The following KCNK2 variants were observed in gnomAD, a reference collection of about 807,000 sequenced individuals.
KCNK2 encodes the protein potassium channel subfamily K member 2.
A neutral mutation model predicts 40.5 loss-of-function variants in KCNK2; 21 were observed. That is an observed-to-expected ratio of 0.52 (90% CI 0.37 to 0.75). KCNK2 has a LOEUF of 0.75. Ranked by LOEUF, KCNK2 falls within the 30% of genes least tolerant of loss-of-function variation. KCNK2 has a pLI of 0.00. For missense variants in KCNK2, 399 were observed against 531.6 expected (o/e 0.75, Z 2.45); for synonymous variants, 191 against 202.2 (o/e 0.94, Z 0.47).
At chr1:215,183,754 T>C (rs896664126) in intron 5 of KCNK2, among the ~76,000 whole-genome samples, 2 of 152,210 alleles carry the variant, frequency 1.3e-5, no homozygotes, top group Admixed American at 1.3e-4. Flanking sequence ...TTATTAAAAT[T>C]CTCATTAGTG....
chr1:215,037,694 T>G (rs964826829), intron 1 of KCNK2, among the ~76,000 whole-genome samples: 1 of 151,974 alleles, frequency 6.6e-6, no homozygotes, highest in Non-Finnish European at 1.5e-5. Context: ...GTGAATTTAA[T>G]TATTTAACAA....
rs371176489 is a variant in KCNK2 at position 215,029,859 on chromosome 1, G to A, written c.34+23904G>A. ...GTTGCTTGCAAGTTTTGACAATAAC[G>A]AATAAAGCCTCTATAAACCTCTGTG... On this transcript the variant is annotated intron_variant, in intron 1 of 6. Coordinates refer to the KCNK2 transcript ENST00000391895. Among the ~76,000 whole-genome samples the A allele has an allele frequency of 1.0e-3, 153 of 152,066 alleles. 5 individuals are homozygous for A. In the South Asian group the frequency reaches 0.031, roughly 31 times the overall value.
intron 5 of KCNK2, among the ~76,000 whole-genome samples, chr1:215,179,584 A>T (rs1039835797): frequency 9.2e-5 from 14 of 151,978 alleles, no homozygotes; most frequent in African/African-American, 2.7e-4. Context: ...ATCTCAAATA[A>T]TTTTTTTAAT....
rs559567180 is a variant in KCNK2 at position 215,135,084 on chromosome 1, A to T, written c.475+10334A>T. Among the ~76,000 whole-genome samples the T allele has an allele frequency of 3.9e-5, 6 of 152,292 alleles. No individual in the cohort carries two copies. The South Asian group carries it at 1.0e-3, about 26-fold the overall frequency. The stretch of plus-strand genomic sequence containing the variant: ...AAAAGACTGCAGACATGACCTCCTA[A>T]TTAGCATTATACTACAACTAAAATC... On this transcript the variant is annotated intron_variant, in intron 3 of 6. Coordinates refer to ENST00000444842, the MANE Select transcript of KCNK2 (RefSeq NM_001017425.3).
At chr1:215,095,187 G>A (rs957467820) in intron 2 of KCNK2, among the ~76,000 whole-genome samples, 11 of 152,072 alleles carry the variant, frequency 7.2e-5, no homozygotes, top group African/African-American at 2.7e-4. Flanking sequence ...AGGCACATAT[G>A]TAGTAATTCG....
Position 215,161,985 on chromosome 1 carries a change from C to T in KCNK2, c.476-7214C>T, listed in dbSNP as rs1663219436. On this transcript the variant is annotated intron_variant, in intron 3 of 6. Coordinates refer to ENST00000444842, the MANE Select transcript of KCNK2 (RefSeq NM_001017425.3). ...TCAAATGGTATTTCTGGTTCTAGAT[C>T]CTTAAGGAATCACCACATTGTCTTC... Among the ~76,000 whole-genome samples, 3 of 152,246 alleles carry T rather than the reference C, an allele frequency of 2.0e-5. No individual in the cohort carries two copies. In the South Asian group the frequency reaches 6.2e-4, roughly 32 times the overall value.
intron 5 of KCNK2, among the ~76,000 whole-genome samples, chr1:215,183,430 G>A (rs1386001588): frequency 6.6e-6 from 1 of 152,070 alleles, no homozygotes; most frequent in Non-Finnish European, 1.5e-5. Flanking sequence ...GACCTAAAGT[G>A]TCTACGTTTT....
chr1:215,058,672 T>A (rs918753650), intron 1 of KCNK2, among the ~76,000 whole-genome samples: 1 of 152,168 alleles, frequency 6.6e-6, no homozygotes, highest in African/African-American at 2.4e-5. Flanking sequence ...CCTTTCTCCT[T>A]GTTTACAAAG....
At position 215,236,040 on chromosome 1, in the gene KCNK2, AAG is replaced by A. The variant is rs1666867883; in HGVS notation, c.*897_*898del. On this transcript the variant is annotated 3_prime_UTR_variant, in exon 7 of 7. Coordinates refer to ENST00000444842, the MANE Select transcript of KCNK2 (RefSeq NM_001017425.3). Reference sequence around the variant, plus strand: ...AACTATACATTTTTAAAGGCAGAAGAAGAAAATCTATCTATCTATCTATCTAT... The same window carrying A: ...AACTATACATTTTTAAAGGCAGAAGAAAAATCTATCTATCTATCTATCTAT... The A allele has an allele frequency of 2.9e-5, 2 of 68,242 alleles. No individual in the cohort carries two copies. The highest frequency in any genetic ancestry group is 9.1e-5 in the African/African-American group (2 of 21,934). 4.2% of individuals were successfully genotyped at this position (68,242 alleles called of 1,614,324 possible).
At chr1:215,133,257 G>A (rs932679683) in intron 3 of KCNK2, among the ~76,000 whole-genome samples, 12 of 152,130 alleles carry the variant, frequency 7.9e-5, no homozygotes, top group African/African-American at 1.9e-4. Context: ...TATTTTAATC[G>A]TCTGAAAAGC....
chr1:215,086,864 C>T (rs953412601), intron 2 of KCNK2, among the ~76,000 whole-genome samples, 186 bp downstream of exon 2: 1 of 152,164 alleles, frequency 6.6e-6, no homozygotes, highest in Non-Finnish European at 1.5e-5. Context: ...TGCCTATATT[C>T]TCACTTCTGC....
chr1:215,213,480 G>A lies in KCNK2; in HGVS notation c.963+18388G>A, dbSNP rs367892747. On this transcript the variant is annotated intron_variant, in intron 6 of 6. Coordinates refer to ENST00000444842, the MANE Select transcript of KCNK2 (RefSeq NM_001017425.3). The stretch of plus-strand genomic sequence containing the variant: ...ACAAAAATTAGCCAGGCACGATGGC[G>A]CATGCCTGTAATCCCAGCTACTCGG... Among the ~76,000 whole-genome samples, 6 of 152,130 alleles carry A rather than the reference G, an allele frequency of 3.9e-5. 1 individual carries two copies. The highest frequency in any genetic ancestry group is 2.0e-4 in the Admixed American group (3 of 15,284).
At chr1:215,041,756 G>C (rs1657571750) in intron 1 of KCNK2, among the ~76,000 whole-genome samples, 1 of 152,098 alleles carries the variant, frequency 6.6e-6, no homozygotes, top group South Asian at 2.1e-4. Context: ...TATATTTTCA[G>C]GTCTGTAACT....
chr1:215,234,010 T>C (rs1282305133), intron 6 of KCNK2, among the ~76,000 whole-genome samples: 2 of 152,208 alleles, frequency 1.3e-5, no homozygotes, highest in Non-Finnish European at 2.9e-5. Flanking sequence ...ATCTTGCAGT[T>C]TGTAAAGTTC....
At chr1:215,122,463 G>A (rs1661230548) in intron 2 of KCNK2, among the ~76,000 whole-genome samples, 1 of 151,990 alleles carries the variant, frequency 6.6e-6, no homozygotes, top group African/African-American at 2.4e-5. Context: ...AATAGAATTA[G>A]CTATCTCAAG....
intron 1 of KCNK2, among the ~76,000 whole-genome samples, chr1:215,066,929 A>G (rs1339068618): frequency 6.6e-6 from 1 of 152,110 alleles, no homozygotes; most frequent in Non-Finnish European, 1.5e-5. Flanking sequence ...ATATGATATA[A>G]TTTTTGTAAA....
At chr1:215,194,235 A>G (rs1335433629) in intron 5 of KCNK2, among the ~76,000 whole-genome samples, 3 of 152,188 alleles carry the variant, frequency 2.0e-5, no homozygotes, top group African/African-American at 7.2e-5. Context: ...TTATTGTTCC[A>G]AGTGGATGGA....
chr1:215,034,529 A>G (rs1383319011), intron 1 of KCNK2, among the ~76,000 whole-genome samples: 1 of 152,052 alleles, frequency 6.6e-6, no homozygotes, highest in African/African-American at 2.4e-5. Flanking sequence ...ATCATTTTAC[A>G]GTATCACCAG....
intron 6 of KCNK2, among the ~76,000 whole-genome samples, chr1:215,212,252 C>T (rs989270637): frequency 3.3e-5 from 5 of 152,052 alleles, no homozygotes; most frequent in Non-Finnish European, 7.4e-5. Flanking sequence ...AATAATTGGT[C>T]CTTAGGACTC....
Sources: allele counts gnomAD v4.1 joint callset (sites outside exome capture counted in the v4.1 genomes callset), GRCh38; gene constraint gnomAD v4.1.1; transcripts MANE v1.5; gene names NCBI Gene and HGNC (gene_info 2026-07-23, HGNC 2026-07-21).